The following SGPP2 variants were observed in gnomAD, a reference collection of about 807,000 sequenced individuals.
SGPP2 encodes sphingosine 1-phosphate phosphohydrolase 2.
SGPP2 carries 30 observed loss-of-function variants against 33.9 expected under a neutral mutation model. That is an observed-to-expected ratio of 0.89 (90% CI 0.66 to 1.20). SGPP2 has a LOEUF of 1.20. SGPP2 is among the 50% of genes most tolerant of loss of function. The pLI, the probability that SGPP2 is intolerant of heterozygous loss-of-function variation, is 0.00. For missense variants in SGPP2, 458 were observed against 532.1 expected (o/e 0.86, Z 1.37); for synonymous variants, 233 against 225.0 (o/e 1.04, Z -0.32).
intron 2 of SGPP2, among the ~76,000 whole-genome samples, chr2:222,483,347 G>T (rs1698058129): frequency 6.6e-6 from 1 of 151,666 alleles, no homozygotes; most frequent in South Asian, 2.1e-4. Flanking sequence ...CTGGTGATAA[G>T]GAAGCCTTAA....
chr2:222,528,255 A>G (rs1289405442), intron 4 of SGPP2, among the ~76,000 whole-genome samples: 3 of 152,196 alleles, frequency 2.0e-5, no homozygotes, highest in Non-Finnish European at 4.4e-5. Flanking sequence ...AGATGAATGG[A>G]TGAACATAGT....
chr2:222,438,843 A>C lies in SGPP2; in HGVS notation c.219+14022A>C, dbSNP rs185936561. 2.8e-3 allele frequency among the ~76,000 whole-genome samples: 432 copies of C among 152,194 alleles called. 1 individual carries two copies. The highest frequency in any genetic ancestry group is 5.1e-3 in the Admixed American group (78 of 15,294). On this transcript the variant is annotated intron_variant, in intron 1 of 4. Transcript: ENST00000321276. ...AGGGATGCGATATTGGTTTTGATTT[A>C]CTATTTTTCTAAGTAGATGCAGCTC...
At chr2:222,501,272 T>C (rs1299818708) in intron 2 of SGPP2, among the ~76,000 whole-genome samples, 1 of 152,194 alleles carries the variant, frequency 6.6e-6, no homozygotes, top group Non-Finnish European at 1.5e-5. Context: ...CAGATGAGGT[T>C]GCTGCTGCCT....
chr2:222,552,035 CATTA>C (rs1220518498), intron 4 of SGPP2, among the ~76,000 whole-genome samples: 1 of 152,098 alleles, frequency 6.6e-6, no homozygotes, highest in Non-Finnish European at 1.5e-5. Flanking sequence ...CTGTGAGTGC[CATTA>C]ATTAATTTCT....
At chr2:222,438,206 A>G (rs1344450608) in intron 1 of SGPP2, among the ~76,000 whole-genome samples, 1 of 152,214 alleles carries the variant, frequency 6.6e-6, no homozygotes, top group Non-Finnish European at 1.5e-5. Flanking sequence ...TAGAAGGAAC[A>G]TCTTGACAGG....
intron 1 of SGPP2, among the ~76,000 whole-genome samples, chr2:222,464,585 C>A (rs1656932119): frequency 3.9e-5 from 6 of 152,200 alleles, no homozygotes; most frequent in Admixed American, 3.9e-4. Context: ...CAGGTTCAAA[C>A]AATTCTCTCA....
At chr2:222,527,422 C>A (rs113081037) in intron 4 of SGPP2, among the ~76,000 whole-genome samples, 1 of 152,230 alleles carries the variant, frequency 6.6e-6, no homozygotes, top group Non-Finnish European at 1.5e-5. Context: ...CACTTGGGCT[C>A]ACCTTTAGGC....
In SGPP2 at chr2:222,476,334, A is replaced by C. The variant is rs1030984738; in HGVS notation, c.378+1608A>C. Among the ~76,000 whole-genome samples, 1 of 152,122 alleles carries C rather than the reference A, an allele frequency of 6.6e-6. No homozygotes were observed. Among genetic ancestry groups the C allele is most frequent in the African/African-American group, 2.4e-5 (1 of 41,404 alleles). On this transcript the variant is annotated intron_variant, in intron 2 of 4. Transcript: ENST00000321276. This position sits in a 1 kb window ranked among gnomAD's most constrained non-coding sequence, Gnocchi z 4.3. Reference sequence around the variant, plus strand: ...GAGGGGTGGCAAGGGCGGGGTATCCACACAAATTCTTCACCAGGTGGTGAC... The same window carrying C: ...GAGGGGTGGCAAGGGCGGGGTATCCCCACAAATTCTTCACCAGGTGGTGAC...
intron 2 of SGPP2, among the ~76,000 whole-genome samples, chr2:222,509,800 A>G (rs1157983480): frequency 6.6e-6 from 1 of 152,212 alleles, no homozygotes; most frequent in Non-Finnish European, 1.5e-5. Flanking sequence ...CTTTTAAAGT[A>G]TACAATTCAG....
chr2:222,554,923 A>G (rs140112669), intron 4 of SGPP2, among the ~76,000 whole-genome samples: 43 of 152,242 alleles, frequency 2.8e-4, no homozygotes, highest in African/African-American at 9.9e-4. Context: ...ATGTTAATAC[A>G]TGTATTGATC....
intron 4 of SGPP2, among the ~76,000 whole-genome samples, chr2:222,544,297 T>C (rs945826441): frequency 2.0e-5 from 3 of 152,224 alleles, no homozygotes; most frequent in Non-Finnish European, 2.9e-5. Flanking sequence ...GCCTCCAACA[T>C]GTTCACGAAT....
chr2:222,474,828 T>C (rs2106096520), intron 2 of SGPP2, 102 bp downstream of exon 2: 1 of 998,618 alleles, frequency 1.0e-6, no homozygotes, highest in South Asian at 2.0e-5. Context: ...TTTTTTTTTT[T>C]TTTACCACTT....
chr2:222,528,453 A>G (rs1698792741), intron 4 of SGPP2, among the ~76,000 whole-genome samples: 1 of 152,218 alleles, frequency 6.6e-6, no homozygotes, highest in African/African-American at 2.4e-5. Flanking sequence ...CAATGTACAT[A>G]TAATATCTTA....
chr2:222,506,124 T>C (rs1234200686), intron 2 of SGPP2, among the ~76,000 whole-genome samples: 1 of 152,204 alleles, frequency 6.6e-6, no homozygotes, highest in African/African-American at 2.4e-5. Flanking sequence ...AGCTACCTCT[T>C]GTTATTGTAG....
intron 2 of SGPP2, among the ~76,000 whole-genome samples, chr2:222,502,628 T>C (rs1698384687): frequency 6.6e-6 from 1 of 152,236 alleles, no homozygotes; most frequent in African/African-American, 2.4e-5. Context: ...TAATATGCGC[T>C]GTAGATAGGC....
At chr2:222,524,706 G>C (rs997594138) in intron 3 of SGPP2, among the ~76,000 whole-genome samples, 2 of 152,174 alleles carry the variant, frequency 1.3e-5, no homozygotes, top group African/African-American at 2.4e-5. Flanking sequence ...CGTCTCACGT[G>C]CATGCTTATA....
chr2:222,433,786 C>T (rs981620661), intron 1 of SGPP2, among the ~76,000 whole-genome samples: 2 of 152,110 alleles, frequency 1.3e-5, no homozygotes, highest in Non-Finnish European at 2.9e-5. Context: ...TTGCTTTCTT[C>T]TGATGGATGC....
intron 4 of SGPP2, among the ~76,000 whole-genome samples, chr2:222,526,837 G>A (rs6733038): frequency 0.5 from 76,640 of 152,010 alleles, 20,004 homozygotes; most frequent in East Asian, 0.82. Flanking sequence ...CACAGGGAGG[G>A]GAACAACACA....
intron 2 of SGPP2, among the ~76,000 whole-genome samples, chr2:222,489,791 C>T (rs1295268112): frequency 6.6e-6 from 1 of 151,988 alleles, no homozygotes; most frequent in Non-Finnish European, 1.5e-5. Flanking sequence ...CATGGAGAAA[C>T]CCCATCTCTA....
Sources: allele counts gnomAD v4.1 joint callset (sites outside exome capture counted in the v4.1 genomes callset), GRCh38; gene constraint gnomAD v4.1.1; non-coding constraint Gnocchi (gnomAD v3.1); transcripts MANE v1.5; gene names NCBI Gene and HGNC (gene_info 2026-07-23, HGNC 2026-07-21).